Variants in CALCR observed in about 807,000 individuals in gnomAD.
CALCR encodes calcitonin receptor.
A neutral mutation model predicts 59.5 loss-of-function variants in CALCR; 47 were observed. That is an observed-to-expected ratio of 0.79 (90% CI 0.63 to 1.01). CALCR has a LOEUF of 1.01. Among genes scored for constraint, CALCR ranks in the 50% least tolerant of loss-of-function variants. The pLI is 0.00. For missense variants in CALCR, 566 were observed against 597.1 expected (o/e 0.95, Z 0.54); for synonymous variants, 213 against 211.3 (o/e 1.01, Z -0.07).
intron 2 of CALCR, among the ~76,000 whole-genome samples, chr7:93,563,323 C>T (rs1172102159): frequency 6.6e-6 from 1 of 152,048 alleles, no homozygotes; most frequent in Non-Finnish European, 1.5e-5. Context: ...TTTTTCTCTC[C>T]ACATCATTAA....
chr7:93,508,891 T>C (rs903796791), intron 2 of CALCR, among the ~76,000 whole-genome samples: 4 of 152,120 alleles, frequency 2.6e-5, no homozygotes, highest in Non-Finnish European at 5.9e-5. Flanking sequence ...CCTGTAGTAA[T>C]GTCTCCCTGA....
At chr7:93,427,794 A>G (rs1799562026) in intron 13 of CALCR, among the ~76,000 whole-genome samples, 1 of 152,084 alleles carries the variant, frequency 6.6e-6, no homozygotes, top group African/African-American at 2.4e-5. Flanking sequence ...CTCTGAGAAT[A>G]ATTAGTATTG....
chr7:93,452,711 A>T (rs926160728), intron 8 of CALCR, among the ~76,000 whole-genome samples: 1 of 152,030 alleles, frequency 6.6e-6, no homozygotes, highest in Non-Finnish European at 1.5e-5. Context: ...AAAAAGTCTC[A>T]TCTGAGATAA....
intron 2 of CALCR, among the ~76,000 whole-genome samples, chr7:93,530,955 G>C (rs922798918): frequency 2.0e-5 from 3 of 151,910 alleles, no homozygotes; most frequent in Admixed American, 6.6e-5. Flanking sequence ...CAGAAACTTT[G>C]GTAGTGAGGC....
chr7:93,570,199 GC>G (rs1374303767), intron 2 of CALCR, among the ~76,000 whole-genome samples: 1 of 152,136 alleles, frequency 6.6e-6, no homozygotes, highest in Non-Finnish European at 1.5e-5. Flanking sequence ...TCTAAGTCTT[GC>G]AGTCCTTGGA....
At chr7:93,471,639 A>G (rs774149313) in intron 6 of CALCR, among the ~76,000 whole-genome samples, 10 of 151,704 alleles carry the variant, frequency 6.6e-5, no homozygotes, top group South Asian at 6.2e-4. Context: ...TTGCTTAGAG[A>G]CGCCCTGCAC....
intron 7 of CALCR, among the ~76,000 whole-genome samples, chr7:93,466,748 CCACACTCT>C (rs1800448553): frequency 6.6e-6 from 1 of 151,802 alleles, no homozygotes; most frequent in East Asian, 1.9e-4. Context: ...CAATCTGCCC[CCACACTCT>C]CTCAAGGGTT....
intron 9 of CALCR, among the ~76,000 whole-genome samples, chr7:93,440,357 T>C (rs1431221476): frequency 1.3e-5 from 2 of 152,140 alleles, no homozygotes. Flanking sequence ...TGTGAAACTA[T>C]TTTTTTCTTG....
At chr7:93,540,745 T>C (rs918055769) in intron 2 of CALCR, among the ~76,000 whole-genome samples, 2 of 60,796 alleles carry the variant, frequency 3.3e-5, no homozygotes, top group African/African-American at 7.7e-5. Context: ...TATAATATTA[T>C]ATTTATATTA....
chr7:93,472,836 A>G (rs544824068), intron 5 of CALCR, among the ~76,000 whole-genome samples: 2 of 151,900 alleles, frequency 1.3e-5, no homozygotes, highest in Admixed American at 1.3e-4. Context: ...TCTACCTCAT[A>G]ATTTTTTAAC....
intron 6 of CALCR, among the ~76,000 whole-genome samples, 193 bp from the exon 7 acceptor site, chr7:93,468,999 G>C (rs978441285): frequency 4.6e-5 from 7 of 151,730 alleles, no homozygotes. Context: ...AAAATAAATT[G>C]TCATTTTCAA....
In CALCR at chr7:93,462,536, C is replaced by T. The variant is rs181266906; in HGVS notation, c.522-1589G>A. Among the ~76,000 whole-genome samples, 910 of 152,184 alleles carry T rather than the reference C, an allele frequency of 6.0e-3. 8 individuals are homozygous for T. Among genetic ancestry groups the T allele is most frequent in the South Asian group, 0.025 (121 of 4,822 alleles). On this transcript the variant is annotated intron_variant, in intron 7 of 13. Coordinates refer to ENST00000426151, the MANE Select transcript of CALCR (RefSeq NM_001742.4). ...CAGCACAGTTGAATCTGTGACCTGCCATCCTTCATAGTCACAACAGCAATT... is the reference window on the plus strand; with the variant it reads ...CAGCACAGTTGAATCTGTGACCTGCTATCCTTCATAGTCACAACAGCAATT...
chr7:93,458,873 C>A (rs10261576), intron 8 of CALCR, among the ~76,000 whole-genome samples: 3,119 of 152,170 alleles, frequency 0.02, 101 homozygotes, highest in African/African-American at 0.071. Flanking sequence ...CAAAAATTAT[C>A]AAATATTCCT....
At chr7:93,540,463 C>A (rs1014425460) in intron 2 of CALCR, among the ~76,000 whole-genome samples, 1 of 151,984 alleles carries the variant, frequency 6.6e-6, no homozygotes, top group Non-Finnish European at 1.5e-5. Context: ...ATACAATTTC[C>A]AACTATTTTG....
rs146844060 is a variant in CALCR, at chr7:93,483,516, TTA to T, written c.51+3413_51+3414del. ...ATGTATATGTATGATTTTATGTATA[TTA>T]TATATATATAATTACAATCATGGAA... On this transcript the variant is annotated intron_variant, in intron 3 of 13. Transcript: ENST00000426151. 3.7e-3 allele frequency among the ~76,000 whole-genome samples: 541 copies of T among 147,928 alleles called. 3 individuals are homozygous for T. The highest frequency in any genetic ancestry group is 0.012 in the African/African-American group (495 of 40,342).
chr7:93,464,626 C>T (rs1800404375), intron 7 of CALCR, among the ~76,000 whole-genome samples: 1 of 151,836 alleles, frequency 6.6e-6, no homozygotes, highest in African/African-American at 2.4e-5. Flanking sequence ...GCACAAAATC[C>T]TTATCATTAA....
rs1255920445 is a variant in CALCR at position 93,545,175 on chromosome 7, T to C, written c.-27+29114A>G. 3.5e-4 allele frequency among the ~76,000 whole-genome samples: 54 copies of C among 152,124 alleles called. 1 individual carries two copies. The highest frequency in any genetic ancestry group is 3.5e-3 in the Admixed American group (53 of 15,264). ...AAACACAGAGGCCTTACACAAATGC[T>C]ATTCCAGTTGATATTATTATCAGGA... On this transcript the variant is annotated intron_variant, in intron 2 of 13. Transcript: ENST00000426151.
chr7:93,488,295 T>C (rs947447859), intron 2 of CALCR, among the ~76,000 whole-genome samples: 1 of 151,600 alleles, frequency 6.6e-6, no homozygotes, highest in African/African-American at 2.4e-5. Context: ...TACCAGCCAC[T>C]GCAAAAACAC....
At chr7:93,451,195 T>G (rs1800102528) in intron 8 of CALCR, among the ~76,000 whole-genome samples, 1 of 152,054 alleles carries the variant, frequency 6.6e-6, no homozygotes, top group South Asian at 2.1e-4. Flanking sequence ...ATAGTTCACA[T>G]TTTTAAATTA....
Sources: gnomAD v4.1 joint callset for allele counts (sites outside exome capture counted in the v4.1 genomes callset) on GRCh38, gnomAD v4.1.1 for gene constraint, MANE v1.5 for transcripts, NCBI Gene and HGNC (gene_info 2026-07-23, HGNC 2026-07-21) for gene names.